The following SHANK2 variants were observed in gnomAD, a reference collection of about 807,000 sequenced individuals.
SHANK2 encodes the protein SH3 and multiple ankyrin repeat domains protein 2.
SHANK2 carries 43 observed loss-of-function variants against 133.7 expected under a neutral mutation model. The observed-to-expected ratio is 0.32, with a 90% CI of 0.25 to 0.41. SHANK2 has a LOEUF of 0.41. Among genes scored for constraint, SHANK2 ranks in the 10% least tolerant of loss-of-function variants. The probability of loss-of-function intolerance (pLI) is 1.00; values close to 1 mark genes in which losing one functional copy is unlikely to be tolerated. For missense variants in SHANK2, 1,994 were observed against 2,235.8 expected (o/e 0.89, Z 2.18); for synonymous variants, 1,017 against 952.8 (o/e 1.07, Z -1.24).
chr11:71,081,388 A>G (rs1951298525), intron 8 of SHANK2, among the ~76,000 whole-genome samples: 1 of 152,278 alleles, frequency 6.6e-6, no homozygotes, highest in Admixed American at 6.5e-5. Context: ...AAAAGACATC[A>G]TGCTATAATT....
intron 17 of SHANK2, among the ~76,000 whole-genome samples, chr11:70,638,151 T>G (rs1354448072): frequency 2.0e-5 from 3 of 152,170 alleles, no homozygotes; most frequent in African/African-American, 7.2e-5. Context: ...GCAAATACAC[T>G]AATCGTCACT....
chr11:70,893,292 C>T (rs903439825), intron 11 of SHANK2, among the ~76,000 whole-genome samples: 6 of 152,232 alleles, frequency 3.9e-5, no homozygotes, highest in Non-Finnish European at 7.3e-5. Context: ...AGGCAAAAAA[C>T]GCACAAGCTA....
Position 71,207,519 on chromosome 11 carries a change from GC to G in SHANK2, c.-13+17177del, listed in dbSNP as rs575094026. The stretch of plus-strand genomic sequence containing the variant: ...TTTCTAACAGTCTCAGATAGGCCAA[GC>G]CTCCTACATTAGGTTTGTTTGCTTG... On this transcript the variant is annotated intron_variant, in intron 2 of 25. Transcript: ENST00000601538. Among the ~76,000 whole-genome samples the G allele has an allele frequency of 5.9e-4, 90 of 152,250 alleles. 1 individual carries two copies. The highest frequency in any genetic ancestry group is 2.1e-3 in the African/African-American group (88 of 41,532).
chr11:71,153,847 G>A (rs536116198), intron 2 of SHANK2, among the ~76,000 whole-genome samples: 6 of 152,252 alleles, frequency 3.9e-5, no homozygotes, highest in South Asian at 4.2e-4. Flanking sequence ...GTGGGCGCCT[G>A]TAATCCCAGC....
intron 2 of SHANK2, among the ~76,000 whole-genome samples, chr11:71,216,103 C>T (rs1555119828): frequency 6.6e-6 from 1 of 152,134 alleles, no homozygotes; most frequent in Non-Finnish European, 1.5e-5. Flanking sequence ...TCCACACGGC[C>T]CAGCAGCTCC....
chr11:70,746,144 G>T (rs377180575), intron 14 of SHANK2, among the ~76,000 whole-genome samples: 1 of 152,224 alleles, frequency 6.6e-6, no homozygotes, highest in Non-Finnish European at 1.5e-5. Flanking sequence ...ACTCTGACAC[G>T]GTCCAGGAGG....
chr11:70,605,137 C>T (rs1302383558), intron 17 of SHANK2, among the ~76,000 whole-genome samples: 4 of 152,200 alleles, frequency 2.6e-5, no homozygotes, highest in East Asian at 3.9e-4. Flanking sequence ...CCTGGGATGG[C>T]GCTTTTTAAC....
intron 14 of SHANK2, among the ~76,000 whole-genome samples, chr11:70,726,609 T>C (rs1555030769): frequency 6.6e-6 from 1 of 152,162 alleles, no homozygotes; most frequent in African/African-American, 2.4e-5. Context: ...AGGGAGAAAG[T>C]AAGCTCATTT....
At chr11:70,567,662 GAC>G (rs1435422077) in intron 17 of SHANK2, among the ~76,000 whole-genome samples, 3 of 152,016 alleles carry the variant, frequency 2.0e-5, no homozygotes, top group African/African-American at 7.2e-5. Flanking sequence ...TGGAGATGAG[GAC>G]ACAGACACAC....
At chr11:70,629,314 A>C (rs541981133) in intron 17 of SHANK2, among the ~76,000 whole-genome samples, 3 of 152,248 alleles carry the variant, frequency 2.0e-5, no homozygotes, top group South Asian at 4.1e-4. Flanking sequence ...AGCGAGCCAG[A>C]CTGAAACCGC....
intron 17 of SHANK2, among the ~76,000 whole-genome samples, chr11:70,636,138 T>C (rs1385931958): frequency 6.6e-6 from 1 of 152,278 alleles, no homozygotes; most frequent in African/African-American, 2.4e-5. Context: ...AAAGGCGTGG[T>C]CTCTGCCCTG....
intron 9 of SHANK2, among the ~76,000 whole-genome samples, chr11:71,069,345 A>G (rs1018324205): frequency 7.2e-5 from 11 of 151,812 alleles, no homozygotes; most frequent in African/African-American, 2.4e-4. Context: ...CACCACCTTC[A>G]TCATTGCCAC....
chr11:70,939,714 C>T (rs180802165), intron 10 of SHANK2, among the ~76,000 whole-genome samples: 27 of 152,192 alleles, frequency 1.8e-4, no homozygotes, highest in Non-Finnish European at 2.2e-4. Context: ...AGAAAGGCCC[C>T]GTCCTACCCG....
chr11:70,616,471 G>A (rs1207303966), intron 17 of SHANK2, among the ~76,000 whole-genome samples: 2 of 152,140 alleles, frequency 1.3e-5, no homozygotes, highest in Non-Finnish European at 2.9e-5. Flanking sequence ...CGCCCGAGGA[G>A]GGCGCTGGGT....
At chr11:70,727,537 A>T (rs1389464878) in intron 14 of SHANK2, among the ~76,000 whole-genome samples, 1 of 152,160 alleles carries the variant, frequency 6.6e-6, no homozygotes, top group Non-Finnish European at 1.5e-5. Context: ...ATCCCAGGCA[A>T]GGTGTTGGTA....
chr11:70,812,291 T>C (rs1436376754), intron 12 of SHANK2, among the ~76,000 whole-genome samples: 1 of 152,254 alleles, frequency 6.6e-6, no homozygotes, highest in Non-Finnish European at 1.5e-5. Flanking sequence ...TTATTTCTTC[T>C]AGACCAGAGT....
intron 2 of SHANK2, among the ~76,000 whole-genome samples, chr11:71,218,043 G>C (rs1954450431): frequency 1.3e-5 from 2 of 151,440 alleles, no homozygotes; most frequent in East Asian, 2.0e-4. Flanking sequence ...GAAGAAAGAG[G>C]GTTTCACCGT....
At chr11:70,491,737 G>A (rs1479237631) in intron 22 of SHANK2, among the ~76,000 whole-genome samples, 2 of 152,204 alleles carry the variant, frequency 1.3e-5, no homozygotes, top group African/African-American at 2.4e-5. Context: ...TGTTCAGGAC[G>A]TGCCTGGGGG....
intron 8 of SHANK2, among the ~76,000 whole-genome samples, chr11:71,082,328 G>T (rs1312078679): frequency 6.6e-6 from 1 of 152,212 alleles, no homozygotes; most frequent in African/African-American, 2.4e-5. Flanking sequence ...TCATCTCAGT[G>T]CCTAGGCAAT....
Sources: allele counts gnomAD v4.1 joint callset (sites outside exome capture counted in the v4.1 genomes callset), GRCh38; gene constraint gnomAD v4.1.1; transcripts MANE v1.5; gene names NCBI Gene and HGNC (gene_info 2026-07-23, HGNC 2026-07-21).